MYO16: variants seen among roughly 807,000 people sequenced by gnomAD.
The protein encoded by MYO16 is unconventional myosin-XVI.
In MYO16, 94 loss-of-function variants were observed where a neutral mutation model predicts 205.3. That is an observed-to-expected ratio of 0.46 (90% CI 0.39 to 0.54). The LOEUF (loss-of-function observed/expected upper bound fraction) is 0.54. Ranked by LOEUF, MYO16 falls within the 20% of genes least tolerant of loss-of-function variation. The pLI, the probability that MYO16 is intolerant of heterozygous loss-of-function variation, is 0.00. For synonymous variants in MYO16, 988 were observed against 954.0 expected (o/e 1.04, Z -0.66); for missense variants, 2,315 against 2,387.5 (o/e 0.97, Z 0.63).
intron 21 of MYO16, among the ~76,000 whole-genome samples, chr13:108,993,347 C>T (rs1457019281): frequency 6.6e-6 from 1 of 152,114 alleles, no homozygotes; most frequent in Non-Finnish European, 1.5e-5. Flanking sequence ...AATAGACTTA[C>T]AGAGTTCTGA....
intron 23 of MYO16, among the ~76,000 whole-genome samples, chr13:109,038,283 A>G (rs1594492109): frequency 6.6e-6 from 1 of 152,136 alleles, no homozygotes; most frequent in Non-Finnish European, 1.5e-5. Flanking sequence ...AGAGATTAGC[A>G]TTTGATCAGT....
At chr13:109,189,057 G>T (rs143286353) in intron 34 of MYO16, among the ~76,000 whole-genome samples, 197 of 151,690 alleles carry the variant, frequency 1.3e-3, no homozygotes, top group African/African-American at 4.6e-3. Context: ...CAGTGTAATT[G>T]TACTTCAGCC....
chr13:108,686,490 C>T (rs996565221), intron 2 of MYO16, among the ~76,000 whole-genome samples: 3 of 152,154 alleles, frequency 2.0e-5, no homozygotes, highest in Admixed American at 6.5e-5. Flanking sequence ...GCACATCCAG[C>T]GAAGGAAGCT....
Position 109,013,235 on chromosome 13 carries a change from C to T in MYO16, c.2595+4186C>T, listed in dbSNP as rs182032565. 1.8e-4 allele frequency among the ~76,000 whole-genome samples: 27 copies of T among 150,878 alleles called. 1 individual carries two copies. Among genetic ancestry groups the T allele is most frequent in the Middle Eastern group, 3.5e-3 (1 of 288 alleles). The stretch of plus-strand genomic sequence containing the variant: ...TGCGGTGTTTGGTTTTCTGTCCTTG[C>T]GATAGTTTGCTCAGAGTGATGGTTT... On this transcript the variant is annotated intron_variant, in intron 22 of 34. Coordinates refer to ENST00000457511, the MANE Select transcript of MYO16 (RefSeq NM_001198950.3).
At chr13:108,709,125 A>G (rs1883626654) in intron 2 of MYO16, among the ~76,000 whole-genome samples, 1 of 151,778 alleles carries the variant, frequency 6.6e-6, no homozygotes, top group East Asian at 1.9e-4. Context: ...TCGTTATTCT[A>G]TTTGGTCCCC....
At chr13:108,844,905 A>G (rs1179122623) in intron 10 of MYO16, among the ~76,000 whole-genome samples, 1 of 152,030 alleles carries the variant, frequency 6.6e-6, no homozygotes, top group Non-Finnish European at 1.5e-5. Context: ...GTGGTCATGC[A>G]TTGCATGTGT....
chr13:108,619,774 A>T (rs1329041745), intron 1 of MYO16, among the ~76,000 whole-genome samples: 2 of 151,886 alleles, frequency 1.3e-5, no homozygotes, highest in Admixed American at 6.6e-5. Flanking sequence ...TGTCTCTCCT[A>T]TGTGTGTCCT....
At chr13:108,520,151 A>T in the MYO16 span, among the ~76,000 whole-genome samples, 1 of 151,870 alleles carries the variant, frequency 6.6e-6, no homozygotes, top group South Asian at 2.1e-4. Context: ...CTCTCCTTCT[A>T]TGTGACCTGG....
the MYO16 span, among the ~76,000 whole-genome samples, chr13:108,495,861 G>T: frequency 6.6e-6 from 1 of 151,894 alleles, no homozygotes; most frequent in Non-Finnish European, 1.5e-5. Context: ...GCTGGTTTCC[G>T]AGCCGAGTCC....
chr13:108,624,927 T>A (rs1028165252), upstream of MYO16, among the ~76,000 whole-genome samples: 1 of 152,156 alleles, frequency 6.6e-6, no homozygotes, highest in Non-Finnish European at 1.5e-5. Context: ...AAGCAGTTTT[T>A]AAAATTGCAT....
intron 10 of MYO16, among the ~76,000 whole-genome samples, chr13:108,844,951 G>A (rs1399174904): frequency 6.6e-6 from 1 of 152,168 alleles, no homozygotes; most frequent in Non-Finnish European, 1.5e-5. Context: ...TTGCGTGTGT[G>A]TGTGTGCATA....
intron 16 of MYO16, among the ~76,000 whole-genome samples, chr13:108,956,067 T>C (rs76881779): frequency 0.034 from 5,229 of 152,282 alleles, 99 homozygotes; most frequent in Non-Finnish European, 0.048. Flanking sequence ...GAATTCCAGA[T>C]CTTTATAGCT....
intron 2 of MYO16, among the ~76,000 whole-genome samples, chr13:108,669,528 G>T (rs1395034435): frequency 2.0e-5 from 3 of 152,134 alleles, no homozygotes; most frequent in Non-Finnish European, 4.4e-5. Flanking sequence ...AACAGCAAGT[G>T]TATGTGCTGA....
chr13:108,533,782 A>G, the MYO16 span, among the ~76,000 whole-genome samples: 2 of 152,234 alleles, frequency 1.3e-5, no homozygotes, highest in African/African-American at 4.8e-5. Flanking sequence ...TAAATAAACT[A>G]TTATTAAATG....
intron 34 of MYO16, among the ~76,000 whole-genome samples, chr13:109,205,105 T>C (rs1363636868): frequency 6.6e-6 from 1 of 152,204 alleles, no homozygotes; most frequent in African/African-American, 2.4e-5. Context: ...CACTCTCTGT[T>C]ATGTCTAGAA....
chr13:109,040,441 C>T (rs971598993), intron 23 of MYO16, among the ~76,000 whole-genome samples: 2 of 120,390 alleles, frequency 1.7e-5, no homozygotes, highest in African/African-American at 5.9e-5. Context: ...AAACATCCCT[C>T]ATGAATATAG....
intron 29 of MYO16, among the ~76,000 whole-genome samples, chr13:109,120,882 C>A (rs1566516539): frequency 6.6e-6 from 1 of 152,098 alleles, no homozygotes; most frequent in African/African-American, 2.4e-5. Context: ...AGATCCCCAT[C>A]TCTCAAAAAA....
Position 109,140,793 on chromosome 13 carries a change from C to G in MYO16, c.4581C>G (p.Ala1527=), listed in dbSNP as rs2139807938. The change falls in exon 32 of 35, where the codon GCC becomes GCG. Residue 1527 remains alanine (A), a synonymous_variant. Transcript: ENST00000457511. This position sits in a 1 kb window ranked among gnomAD's most constrained non-coding sequence, Gnocchi z 8.0. ...CGACCCCCGTCACCTGCTCCCCCGC[C>G]TCCGACGAGTCGCCCCTGACACCCC... ...FPPTPVTCSP[A]SDESPLTPLE... 6.3e-7 allele frequency: 1 copy of G among 1,579,638 alleles called. No individual in the cohort carries two copies. Among genetic ancestry groups the G allele is most frequent in the African/African-American group, 1.4e-5 (1 of 71,420 alleles).
At chr13:108,996,302 TA>T (rs1445790040) in intron 21 of MYO16, among the ~76,000 whole-genome samples, 1 of 152,082 alleles carries the variant, frequency 6.6e-6, no homozygotes, top group Non-Finnish European at 1.5e-5. Context: ...CTTCAACATA[TA>T]AAATGCAGAG....
Sources: gnomAD v4.1 joint callset for allele counts (sites outside exome capture counted in the v4.1 genomes callset) on GRCh38, gnomAD v4.1.1 for gene constraint, Gnocchi (gnomAD v3.1) non-coding constraint, MANE v1.5 for transcripts, NCBI Gene and HGNC (gene_info 2026-07-23, HGNC 2026-07-21) for gene names.